EEIG2: variants seen among roughly 807,000 people sequenced by gnomAD.
EEIG2 encodes family with sequence similarity 102 member B.
the EEIG2 span, among the ~76,000 whole-genome samples, chr1:108,568,114 C>A: frequency 6.6e-6 from 1 of 152,064 alleles, no homozygotes; most frequent in East Asian, 1.9e-4. Flanking sequence ...ATTGGATAGT[C>A]ATATCTTATA....
At chr1:108,579,715 G>C in the EEIG2 span, among the ~76,000 whole-genome samples, 1 of 150,376 alleles carries the variant, frequency 6.6e-6, no homozygotes, top group African/African-American at 2.5e-5. Flanking sequence ...AAGTCTGTCA[G>C]TGCTGTTTTT....
the EEIG2 span, among the ~76,000 whole-genome samples, chr1:108,571,910 ATCT>A: frequency 6.6e-6 from 1 of 152,102 alleles, no homozygotes; most frequent in African/African-American, 2.4e-5. Context: ...ATTTCTCTGT[ATCT>A]TTGATCCTGT....
At chr1:108,578,624 C>T in the EEIG2 span, among the ~76,000 whole-genome samples, 2 of 151,546 alleles carry the variant, frequency 1.3e-5, no homozygotes, top group African/African-American at 4.9e-5. Context: ...GTATATTGAC[C>T]CAGCCTTGCA....
the EEIG2 span, chr1:108,616,418 T>C: frequency 6.3e-7 from 1 of 1,596,586 alleles, no homozygotes; most frequent in South Asian, 1.1e-5. Flanking sequence ...TGGTGACCCA[T>C]GTTTTAAAAC....
chr1:108,606,550 C>T, the EEIG2 span, among the ~76,000 whole-genome samples: 1 of 152,186 alleles, frequency 6.6e-6, no homozygotes. Flanking sequence ...TGTTGCCAGG[C>T]CCACCTCCCC....
the EEIG2 span, among the ~76,000 whole-genome samples, chr1:108,617,223 C>T: frequency 1.8e-4 from 28 of 152,226 alleles, no homozygotes; most frequent in African/African-American, 6.5e-4. Flanking sequence ...GCCACTCACA[C>T]TCTGAGTGAG....
chr1:108,618,132 A>G, the EEIG2 span, among the ~76,000 whole-genome samples: 1 of 152,204 alleles, frequency 6.6e-6, no homozygotes, highest in South Asian at 2.1e-4. Flanking sequence ...AGATGATATA[A>G]CATATTTGAG....
the EEIG2 span, among the ~76,000 whole-genome samples, chr1:108,621,626 G>T: frequency 2.2e-4 from 33 of 152,240 alleles, no homozygotes; most frequent in East Asian, 6.2e-3. Context: ...GAGTTCTGAG[G>T]GTTGGAAAAC....
At chr1:108,624,573 G>A in the EEIG2 span, 6 of 1,351,558 alleles carry the variant, frequency 4.4e-6, no homozygotes, top group Non-Finnish European at 6.3e-6. Flanking sequence ...GGCTTACTAA[G>A]CTCACCAATC....
the EEIG2 span, among the ~76,000 whole-genome samples, chr1:108,597,991 C>A: frequency 6.6e-6 from 1 of 152,212 alleles, no homozygotes; most frequent in African/African-American, 2.4e-5. Flanking sequence ...ATAGCTGATG[C>A]CTCCAGCAAG....
the EEIG2 span, chr1:108,626,763 C>T: frequency 5.3e-5 from 8 of 152,174 alleles, no homozygotes; most frequent in African/African-American, 1.9e-4. Context: ...GGTTATTATA[C>T]TCCACTACCC....
chr1:108,571,058 C>T, the EEIG2 span, among the ~76,000 whole-genome samples: 673 of 151,946 alleles, frequency 4.4e-3, 2 homozygotes, highest in African/African-American at 0.015. Context: ...GAGTCTAGGG[C>T]GTGTTGTTTG....
the EEIG2 span, among the ~76,000 whole-genome samples, chr1:108,612,461 G>A: frequency 6.6e-6 from 1 of 152,170 alleles, no homozygotes; most frequent in Non-Finnish European, 1.5e-5. Flanking sequence ...AGTCACAAAT[G>A]CAGTGAAAAG....
chr1:108,624,445 A>C, the EEIG2 span, among the ~76,000 whole-genome samples: 489 of 110,526 alleles, frequency 4.4e-3, 7 homozygotes, highest in African/African-American at 0.014. Context: ...AAAAAAAAAA[A>C]AAAACCCTTT....
At chr1:108,570,988 G>A in the EEIG2 span, among the ~76,000 whole-genome samples, 5 of 152,192 alleles carry the variant, frequency 3.3e-5, no homozygotes, top group African/African-American at 9.7e-5. Flanking sequence ...GCAGGCCACA[G>A]TTGGCAGGGT....
the EEIG2 span, among the ~76,000 whole-genome samples, chr1:108,579,559 G>A: frequency 6.7e-6 from 1 of 148,302 alleles, no homozygotes; most frequent in Non-Finnish European, 1.5e-5. Flanking sequence ...AGGATACCCA[G>A]GAATTGAACT....
At chr1:108,600,700 C>T in the EEIG2 span, 2 of 1,593,866 alleles carry the variant, frequency 1.3e-6, no homozygotes, top group South Asian at 1.1e-5. Flanking sequence ...TAAAAATAGC[C>T]TATTACTTCT....
At chr1:108,617,613 T>G in the EEIG2 span, among the ~76,000 whole-genome samples, 2 of 152,098 alleles carry the variant, frequency 1.3e-5, no homozygotes, top group African/African-American at 4.8e-5. Flanking sequence ...CAGGTAGTAA[T>G]TAAAGCCATG....
the EEIG2 span, among the ~76,000 whole-genome samples, chr1:108,565,406 A>C: frequency 2.6e-5 from 4 of 152,258 alleles, no homozygotes; most frequent in African/African-American, 7.2e-5. Context: ...CATGCAGTAC[A>C]TGACTGTATT....
Sources: allele counts gnomAD v4.1 joint callset (sites outside exome capture counted in the v4.1 genomes callset), GRCh38; gene constraint gnomAD v4.1.1; transcripts MANE v1.5; gene names NCBI Gene and HGNC (gene_info 2026-07-23, HGNC 2026-07-21).